Variants in CSMD1 observed in about 807,000 individuals in gnomAD.
CSMD1 encodes CUB and Sushi multiple domains 1.
In CSMD1, 213 loss-of-function variants were observed where a neutral mutation model predicts 417.5. That is an observed-to-expected ratio of 0.51 (90% confidence interval 0.46 to 0.57). The LOEUF is 0.57. Among genes scored for constraint, CSMD1 ranks in the 20% least tolerant of loss-of-function variants. The pLI, the probability that CSMD1 is intolerant of heterozygous loss-of-function variation, is 0.00. For missense variants in CSMD1, 6,923 were observed against 4,529.7 expected, an observed-to-expected ratio of 1.53 and a Z score of -15.17; for synonymous variants, 2,862 against 1,736.8, an observed-to-expected ratio of 1.65 and a Z score of -16.11.
intron 5 of CSMD1, among the ~76,000 whole-genome samples, chr8:3,958,446 ATTTGT>A (rs745675838): frequency 2.2e-4 from 34 of 151,852 alleles, no homozygotes; most frequent in Non-Finnish European, 3.2e-4. Flanking sequence ...TTTTTGAAAT[ATTTGT>A]TTTATTTTTA....
At chr8:4,984,211 T>A (rs1036448403) in intron 1 of CSMD1, among the ~76,000 whole-genome samples, 3 of 152,198 alleles carry the variant, frequency 2.0e-5, no homozygotes, top group Admixed American at 2.0e-4. Flanking sequence ...AGAGTAACCA[T>A]CACAGGACTT....
chr8:3,293,982 G>A (rs372794711), intron 25 of CSMD1, among the ~76,000 whole-genome samples: 1 of 151,902 alleles, frequency 6.6e-6, no homozygotes, highest in African/African-American at 2.4e-5. Flanking sequence ...CTTTGATGAT[G>A]ATGACGTACA....
At chr8:4,516,962 C>T (rs1803159619) in intron 2 of CSMD1, among the ~76,000 whole-genome samples, 1 of 152,028 alleles carries the variant, frequency 6.6e-6, no homozygotes, top group South Asian at 2.1e-4. Context: ...TTACTTTTCA[C>T]TATGAAAGAT....
intron 3 of CSMD1, among the ~76,000 whole-genome samples, chr8:4,299,632 C>G (rs1279651578): frequency 6.6e-6 from 1 of 152,082 alleles, no homozygotes; most frequent in Non-Finnish European, 1.5e-5. Flanking sequence ...ATATCATACA[C>G]TATCTTTCTT....
intron 5 of CSMD1, among the ~76,000 whole-genome samples, chr8:3,786,554 G>A (rs796629624): frequency 1.3e-5 from 2 of 152,284 alleles, no homozygotes; most frequent in African/African-American, 4.8e-5. Context: ...CATGCAGACT[G>A]AGGACTTTAC....
chr8:3,658,814 C>G (rs1471432834), intron 7 of CSMD1, among the ~76,000 whole-genome samples: 2 of 152,028 alleles, frequency 1.3e-5, no homozygotes, highest in Non-Finnish European at 2.9e-5. Context: ...AGTCTTCCAA[C>G]AATTTTGTTT....
chr8:3,642,010 G>A (rs371563214), intron 7 of CSMD1, among the ~76,000 whole-genome samples: 1 of 152,086 alleles, frequency 6.6e-6, no homozygotes, highest in East Asian at 1.9e-4. Flanking sequence ...CAGAAGCTAG[G>A]TTTCCCCCTC....
chr8:4,824,249 T>G (rs1157418524), intron 1 of CSMD1, among the ~76,000 whole-genome samples: 17 of 152,070 alleles, frequency 1.1e-4, no homozygotes, highest in Non-Finnish European at 5.9e-5. Flanking sequence ...GGGCTAGAGA[T>G]CTCAACAAGA....
chr8:3,372,991 G>C (rs1033735819), intron 18 of CSMD1, among the ~76,000 whole-genome samples: 4 of 152,130 alleles, frequency 2.6e-5, no homozygotes, highest in Non-Finnish European at 4.4e-5. Context: ...GGATTGGTAT[G>C]AATTGATGCA....
intron 3 of CSMD1, among the ~76,000 whole-genome samples, chr8:4,339,523 C>G (rs1800357833): frequency 6.6e-6 from 1 of 152,096 alleles, no homozygotes; most frequent in African/African-American, 2.4e-5. Context: ...ACTTCAATTT[C>G]AGTCCTACAT....
At chr8:3,276,064 C>T (rs1372351047) in intron 26 of CSMD1, among the ~76,000 whole-genome samples, 1 of 152,102 alleles carries the variant, frequency 6.6e-6, no homozygotes, top group African/African-American at 2.4e-5. Context: ...GTGGTTTTAT[C>T]TACTTTTGGT....
At chr8:4,453,688 T>C (rs1563191907) in intron 2 of CSMD1, among the ~76,000 whole-genome samples, 1 of 152,062 alleles carries the variant, frequency 6.6e-6, no homozygotes, top group Non-Finnish European at 1.5e-5. Context: ...CTACAGACCA[T>C]GCCTGCTTGG....
chr8:3,515,115 T>C (rs1488373147), intron 10 of CSMD1: 2 of 152,228 alleles, frequency 1.3e-5, no homozygotes, highest in African/African-American at 4.8e-5. Context: ...AATCAGTCAT[T>C]AATGTTATAA....
At chr8:3,665,181 A>G (rs1798620408) in intron 7 of CSMD1, among the ~76,000 whole-genome samples, 1 of 152,170 alleles carries the variant, frequency 6.6e-6, no homozygotes, top group Admixed American at 6.5e-5. Flanking sequence ...CTGGAACAAT[A>G]TTAGGTATTT....
intron 5 of CSMD1, among the ~76,000 whole-genome samples, chr8:3,959,968 G>A (rs150058487): frequency 3.3e-5 from 5 of 152,256 alleles, no homozygotes; most frequent in East Asian, 3.9e-4. Flanking sequence ...GAACATTTAC[G>A]AAATAACAAA....
At chr8:4,591,653 T>C (rs978744900) in intron 2 of CSMD1, among the ~76,000 whole-genome samples, 3 of 152,230 alleles carry the variant, frequency 2.0e-5, no homozygotes, top group Admixed American at 2.0e-4. Context: ...AGGGCATAAG[T>C]ATGTAGGTCA....
chr8:4,968,997 A>C (rs1810066930), intron 1 of CSMD1, among the ~76,000 whole-genome samples: 1 of 152,120 alleles, frequency 6.6e-6, no homozygotes, highest in South Asian at 2.1e-4. Context: ...GTTTTTATGA[A>C]ACCAAGATAC....
intron 3 of CSMD1, among the ~76,000 whole-genome samples, chr8:4,191,690 T>G (rs1180445926): frequency 6.7e-6 from 1 of 148,768 alleles, no homozygotes; most frequent in African/African-American, 2.5e-5. Flanking sequence ...CAGTTCTTTG[T>G]GCCTTTACCA....
chr8:4,488,696 A>C (rs544332780), intron 2 of CSMD1, among the ~76,000 whole-genome samples: 4 of 152,118 alleles, frequency 2.6e-5, no homozygotes, highest in Admixed American at 1.3e-4. Context: ...GGGGGGGTGA[A>C]AAGTGTGGAT....
Sources: gnomAD v4.1 joint callset for allele counts (sites outside exome capture counted in the v4.1 genomes callset) on GRCh38, gnomAD v4.1.1 for gene constraint, MANE v1.5 for transcripts, NCBI Gene and HGNC (gene_info 2026-07-23, HGNC 2026-07-21) for gene names.